The following XYLT1 variants were observed in gnomAD, a reference collection of about 807,000 sequenced individuals.
XYLT1 encodes beta-D-xylosyltransferase 1.
A neutral mutation model predicts 91.3 loss-of-function variants in XYLT1; 36 were observed. That is an observed-to-expected ratio of 0.39 (90% confidence interval 0.30 to 0.52). XYLT1 has a LOEUF of 0.52. Among genes scored for constraint, XYLT1 ranks in the 20% least tolerant of loss-of-function variants. The pLI is 0.68. For synonymous variants in XYLT1, 588 were observed against 532.0 expected (o/e 1.11, Z -1.45); for missense variants, 1,242 against 1,284.5 (o/e 0.97, Z 0.51).
intron 9 of XYLT1, among the ~76,000 whole-genome samples, chr16:17,133,695 A>G (rs887776176): frequency 6.6e-6 from 1 of 152,216 alleles, no homozygotes; most frequent in Non-Finnish European, 1.5e-5. Context: ...AGGGTACACA[A>G]CGTGAAAGTC....
At chr16:17,119,487 C>T (rs2029972250) in intron 10 of XYLT1, among the ~76,000 whole-genome samples, 1 of 152,208 alleles carries the variant, frequency 6.6e-6, no homozygotes, top group Non-Finnish European at 1.5e-5. Context: ...TGTGGATACA[C>T]ATACCCACAT....
intron 1 of XYLT1, among the ~76,000 whole-genome samples, chr16:17,370,337 G>A (rs2035515714): frequency 6.6e-6 from 1 of 152,178 alleles, no homozygotes; most frequent in Admixed American, 6.5e-5. Flanking sequence ...ACAACGATCC[G>A]CTTTCATTTC....
intron 1 of XYLT1, among the ~76,000 whole-genome samples, chr16:17,389,898 T>C (rs1197219979): frequency 6.6e-6 from 1 of 152,180 alleles, no homozygotes; most frequent in Non-Finnish European, 1.5e-5. Flanking sequence ...GTATTTTTAG[T>C]CAACTAGAAA....
At chr16:17,428,904 C>A (rs897191043) in intron 1 of XYLT1, among the ~76,000 whole-genome samples, 1 of 152,188 alleles carries the variant, frequency 6.6e-6, no homozygotes. Flanking sequence ...ACTCAATCAG[C>A]TACCTGCAGG....
rs1376450108 is a variant in XYLT1 at position 17,134,453 on chromosome 16, G to A, written c.2027+20C>T. On this transcript the variant is annotated intron_variant, in intron 9 of 11. Coordinates refer to ENST00000261381, the MANE Select transcript of XYLT1 (RefSeq NM_022166.4). ...CTCCTGCTTCTCAGCTCTCCTCTCT[G>A]CATCCCATATAGGGCTCACCGGCAG... 11 of 1,612,646 alleles carry A rather than the reference G, an allele frequency of 6.8e-6. No individual in the cohort carries two copies. Among genetic ancestry groups the A allele is most frequent in the East Asian group, 4.5e-5 (2 of 44,876 alleles).
chr16:17,248,838 C>G (rs2033488421), intron 3 of XYLT1, among the ~76,000 whole-genome samples: 1 of 150,402 alleles, frequency 6.6e-6, no homozygotes, highest in Non-Finnish European at 1.5e-5. Flanking sequence ...ACCTCCTCCT[C>G]CCGGGCTAAA....
chr16:17,377,912 G>A (rs1298394418), intron 1 of XYLT1, among the ~76,000 whole-genome samples: 1 of 152,158 alleles, frequency 6.6e-6, no homozygotes, highest in African/African-American at 2.4e-5. Context: ...AAAGAACCTG[G>A]AGCCCATTAA....
intron 6 of XYLT1, among the ~76,000 whole-genome samples, chr16:17,146,390 G>C (rs1414715284): frequency 1.3e-5 from 2 of 152,144 alleles, no homozygotes; most frequent in Non-Finnish European, 2.9e-5. Context: ...CACCAGCTGG[G>C]TGACTTCAAA....
At chr16:17,326,667 A>G (rs1224217883) in intron 2 of XYLT1, among the ~76,000 whole-genome samples, 1 of 152,050 alleles carries the variant, frequency 6.6e-6, no homozygotes, top group Non-Finnish European at 1.5e-5. Flanking sequence ...ATTAAAAAAT[A>G]CAAAAAAATT....
intron 2 of XYLT1, among the ~76,000 whole-genome samples, chr16:17,329,721 G>A (rs191538268): frequency 4.5e-4 from 69 of 152,242 alleles, no homozygotes; most frequent in Middle Eastern, 3.4e-3. Flanking sequence ...ATGGACACCC[G>A]TGAGTTTGTA....
intron 5 of XYLT1, among the ~76,000 whole-genome samples, chr16:17,160,768 T>C (rs1296026750): frequency 6.6e-6 from 1 of 152,144 alleles, no homozygotes; most frequent in Admixed American, 6.5e-5. Context: ...CACTGGTGCC[T>C]CCGACACTGT....
chr16:17,248,531 C>T lies in XYLT1; in HGVS notation c.913+10457G>A, dbSNP rs12599628. On this transcript the variant is annotated intron_variant, in intron 3 of 11. Coordinates refer to ENST00000261381, the MANE Select transcript of XYLT1 (RefSeq NM_022166.4). ...GCCTACGAGCAGATTAACCTTTTTG[C>T]TTATAGGAAGAGCTCCCCTGTTGGT... Among the ~76,000 whole-genome samples, 35 of 152,158 alleles carry T rather than the reference C, an allele frequency of 2.3e-4. No homozygotes were observed. In the East Asian group the frequency reaches 6.6e-3, roughly 29 times the overall value.
intron 4 of XYLT1, among the ~76,000 whole-genome samples, chr16:17,199,433 C>A (rs539663097): frequency 1.3e-5 from 2 of 152,222 alleles, no homozygotes; most frequent in East Asian, 1.9e-4. Context: ...GACTATGTGC[C>A]CTGCAACACC....
chr16:17,251,786 C>T (rs2033542902), intron 3 of XYLT1, among the ~76,000 whole-genome samples: 1 of 152,224 alleles, frequency 6.6e-6, no homozygotes, highest in Non-Finnish European at 1.5e-5. Flanking sequence ...GAGATGCACC[C>T]TTCACCCAGG....
intron 2 of XYLT1, among the ~76,000 whole-genome samples, chr16:17,302,971 G>T (rs1014013764): frequency 5.3e-5 from 8 of 152,028 alleles, no homozygotes; most frequent in African/African-American, 1.9e-4. Flanking sequence ...AATGCAAGGG[G>T]ATAAGCTGGG....
In XYLT1 at chr16:17,108,633, C is replaced by T; in HGVS notation, c.*62G>A. 1 of 1,482,196 alleles carries T rather than the reference C, an allele frequency of 6.7e-7. No homozygotes were observed. Among genetic ancestry groups the T allele is most frequent in the Non-Finnish European group, 9.0e-7 (1 of 1,114,964 alleles). 91.8% of individuals were successfully genotyped at this position (1,482,196 alleles called of 1,614,324 possible). A position where few individuals can be genotyped will look rare whatever the true frequency, so the allele number is the denominator to read the frequency against. On this transcript the variant is annotated 3_prime_UTR_variant, in exon 12 of 12. Coordinates refer to ENST00000261381, the MANE Select transcript of XYLT1 (RefSeq NM_022166.4). ...GGGTGGGAGGCCGGGGTTCAGGCCC[C>T]ACAACCCCTCTGGCTGCTTTCCCGT... is the stretch of plus-strand genomic sequence containing the variant.
At chr16:17,218,891 C>G (rs2032909488) in intron 3 of XYLT1, among the ~76,000 whole-genome samples, 7 of 152,034 alleles carry the variant, frequency 4.6e-5, no homozygotes, top group Admixed American at 3.3e-4. Flanking sequence ...TTATAAATGC[C>G]TGTGAGTGTG....
At chr16:17,393,190 C>T (rs184726235) in intron 1 of XYLT1, among the ~76,000 whole-genome samples, 27 of 152,324 alleles carry the variant, frequency 1.8e-4, no homozygotes, top group Admixed American at 1.6e-3. Context: ...TGATTGAGGC[C>T]TGTGGCAGAC....
rs532205873 is a variant in XYLT1, at chr16:17,358,890, G to A, written c.364-840C>T. On this transcript the variant is annotated intron_variant, in intron 1 of 11. Coordinates refer to ENST00000261381, the MANE Select transcript of XYLT1 (RefSeq NM_022166.4). ...GAGCACATTCCATGGTCTGGGGAAG[G>A]TCTTTTTTTAGGATAGAGAAGGCCA... Among the ~76,000 whole-genome samples, 68 of 152,256 alleles carry A rather than the reference G, an allele frequency of 4.5e-4. 2 individuals are homozygous for A. In the South Asian group the frequency reaches 0.013, roughly 29 times the overall value.
Sources: allele counts gnomAD v4.1 joint callset (sites outside exome capture counted in the v4.1 genomes callset), GRCh38; gene constraint gnomAD v4.1.1; transcripts MANE v1.5; gene names NCBI Gene and HGNC (gene_info 2026-07-23, HGNC 2026-07-21).